The following COQ5 variants were observed in gnomAD, a reference collection of about 807,000 sequenced individuals.
COQ5 encodes 2-methoxy-6-polyprenyl-1,4-benzoquinol methylase, mitochondrial.
In COQ5, 27 loss-of-function variants were observed where a neutral mutation model predicts 40.5. The ratio of observed to expected loss-of-function variants is 0.67; its 90% CI spans 0.49 to 0.92. The LOEUF (loss-of-function observed/expected upper bound fraction) is 0.92, where lower values mean the gene tolerates loss of function less well. Ranked by LOEUF, COQ5 falls within the 40% of genes least tolerant of loss-of-function variation. COQ5 has a pLI of 0.00. For synonymous variants in COQ5, 141 were observed against 150.0 expected, an observed-to-expected ratio of 0.94 and a Z score of 0.44; for missense variants, 409 against 406.4, an observed-to-expected ratio of 1.01 and a Z score of -0.06.
At chr12:120,512,071 G>C (rs1238209799) in intron 3 of COQ5, among the ~76,000 whole-genome samples, 2 of 152,020 alleles carry the variant, frequency 1.3e-5, no homozygotes, top group Admixed American at 1.3e-4. Flanking sequence ...TTAGCCAGAC[G>C]TGGTGGTGGG....
intron 1 of COQ5, among the ~76,000 whole-genome samples, chr12:120,525,416 T>C (rs955377289): frequency 2.0e-5 from 3 of 152,034 alleles, no homozygotes; most frequent in African/African-American, 7.2e-5. Flanking sequence ...GAGCATCTTT[T>C]GGGGTGTCTG....
intron 3 of COQ5, among the ~76,000 whole-genome samples, chr12:120,514,952 C>A (rs531589455): frequency 6.6e-6 from 1 of 151,590 alleles, no homozygotes; most frequent in Non-Finnish European, 1.5e-5. Context: ...GTCACCACAC[C>A]CAGCTAATTT....
chr12:120,519,873 A>G (rs1261942833), intron 2 of COQ5, among the ~76,000 whole-genome samples: 2 of 80,740 alleles, frequency 2.5e-5, no homozygotes, highest in South Asian at 9.2e-4. Flanking sequence ...TTGGACTCAA[A>G]AAAAAAAAAA....
At chr12:120,526,647 A>C (rs1298648454) in intron 1 of COQ5, 2 of 276,192 alleles carry the variant, frequency 7.2e-6, no homozygotes, top group South Asian at 3.1e-5. Context: ...CATAGAAAAG[A>C]TATTTCATAC....
intron 3 of COQ5, 87 bp from the exon 4 acceptor site, chr12:120,510,210 T>C (rs556574023): frequency 2.8e-6 from 3 of 1,058,962 alleles, no homozygotes; most frequent in East Asian, 4.9e-5. Flanking sequence ...AGCATTGAGC[T>C]GGAGAGCCCA....
chr12:120,513,954 G>A (rs1457284638), intron 3 of COQ5, among the ~76,000 whole-genome samples: 1 of 152,114 alleles, frequency 6.6e-6, no homozygotes, highest in Non-Finnish European at 1.5e-5. Flanking sequence ...TGTACTATGG[G>A]GCACTTAATA....
chr12:120,509,481 C>T (rs1869030508), intron 4 of COQ5, among the ~76,000 whole-genome samples: 1 of 152,196 alleles, frequency 6.6e-6, no homozygotes, highest in Non-Finnish European at 1.5e-5. Context: ...TTGTCTTTGT[C>T]AGCCTCTGAC....
chr12:120,521,870 G>A (rs898816434), intron 2 of COQ5, among the ~76,000 whole-genome samples: 7 of 151,944 alleles, frequency 4.6e-5, no homozygotes, highest in African/African-American at 1.7e-4. Flanking sequence ...GGTGGAGTAC[G>A]CCCGTAGTCC....
chr12:120,522,953 T>C (rs1201255622), intron 1 of COQ5: 1 of 612,144 alleles, frequency 1.6e-6, no homozygotes, highest in African/African-American at 1.8e-5. Flanking sequence ...CCTGCATCTT[T>C]TTTAGGCCTT....
intron 4 of COQ5, among the ~76,000 whole-genome samples, chr12:120,506,926 C>T (rs1341355082): frequency 2.0e-5 from 3 of 151,904 alleles, no homozygotes; most frequent in African/African-American, 7.3e-5. Context: ...TTCCACCTCC[C>T]GGGTTCAAGC....
chr12:120,513,485 G>C (rs1869235756), intron 3 of COQ5, among the ~76,000 whole-genome samples: 1 of 147,232 alleles, frequency 6.8e-6, no homozygotes, highest in Admixed American at 6.8e-5. Context: ...CTGGGCGACA[G>C]AGCGAGACTC....
At chr12:120,504,156 G>T in intron 5 of COQ5, 75 bp from the exon 6 acceptor site, 1 of 935,272 alleles carries the variant, frequency 1.1e-6, no homozygotes. Context: ...AAGAAAGAAG[G>T]ACTAAACCTG....
chr12:120,513,599 G>A (rs376022173), intron 3 of COQ5, among the ~76,000 whole-genome samples: 2 of 149,918 alleles, frequency 1.3e-5, no homozygotes, highest in South Asian at 4.2e-4. Flanking sequence ...GTAGTGGTGC[G>A]ACGTCCACCT....
At chr12:120,508,133 C>T (rs147005593) in intron 4 of COQ5, among the ~76,000 whole-genome samples, 6,878 of 151,858 alleles carry the variant, frequency 0.045, 258 homozygotes, top group South Asian at 0.1. Flanking sequence ...GTAGCTGGGA[C>T]TACAGGTTCG....
intron 6 of COQ5, 25 bp downstream of exon 6, chr12:120,503,945 G>A (rs781650389): frequency 5.0e-6 from 8 of 1,597,474 alleles, no homozygotes; most frequent in Middle Eastern, 1.7e-4. Flanking sequence ...TAGGGCCTTT[G>A]TTTAAAGCTA....
chr12:120,521,549 G>T (rs1056099482), intron 2 of COQ5, among the ~76,000 whole-genome samples: 2 of 152,028 alleles, frequency 1.3e-5, no homozygotes, highest in Non-Finnish European at 2.9e-5. Flanking sequence ...GGTGGTGCAT[G>T]CCTATAATCC....
At chr12:120,528,901 C>T (rs780569337) in intron 1 of COQ5, 39 bp downstream of exon 1, 1 of 1,568,278 alleles carries the variant, frequency 6.4e-7, no homozygotes, top group Non-Finnish European at 8.8e-7. Flanking sequence ...AGACCATGGA[C>T]GGTCAGATCC....
chr12:120,503,753 G>T lies in COQ5; in HGVS notation c.*31C>A. 6.6e-7 allele frequency: 1 copy of T among 1,511,746 alleles called. No individual in the cohort carries two copies. Among genetic ancestry groups the T allele is most frequent in the South Asian group, 1.1e-5 (1 of 88,870 alleles). 93.6% of individuals were successfully genotyped at this position (1,511,746 alleles called of 1,614,324 possible). ...CAGTTCCAGGCTTTCAACAGGATAT[G>T]ACTGGTTCATGCTCCATGATAGGAA... On this transcript the variant is annotated 3_prime_UTR_variant, in exon 7 of 7. Transcript: ENST00000288532.
intron 1 of COQ5, among the ~76,000 whole-genome samples, chr12:120,527,931 G>A (rs1418519628): frequency 7.4e-6 from 1 of 134,776 alleles, no homozygotes; most frequent in Non-Finnish European, 1.5e-5. Context: ...AGCTTGCAGT[G>A]AGCCGAGATC....
Sources: gnomAD v4.1 joint callset for allele counts (sites outside exome capture counted in the v4.1 genomes callset) on GRCh38, gnomAD v4.1.1 for gene constraint, MANE v1.5 for transcripts, NCBI Gene and HGNC (gene_info 2026-07-23, HGNC 2026-07-21) for gene names.